IGSF11: variants seen among roughly 807,000 people sequenced by gnomAD.
IGSF11 encodes CXADR like 1.
Under a neutral mutation model 41.0 loss-of-function variants are expected in IGSF11, and 22 were observed. That is an observed-to-expected ratio of 0.54 (90% CI 0.38 to 0.77). The LOEUF is 0.77. Ranked by LOEUF, IGSF11 falls within the 30% of genes least tolerant of loss-of-function variation. The pLI is 0.00. For missense variants in IGSF11, 444 were observed against 530.8 expected (o/e 0.84, Z 1.61); for synonymous variants, 219 against 201.3 (o/e 1.09, Z -0.74).
At chr3:118,948,555 T>C (rs1016478117) in intron 1 of IGSF11, among the ~76,000 whole-genome samples, 8 of 152,094 alleles carry the variant, frequency 5.3e-5, no homozygotes, top group Non-Finnish European at 8.8e-5. Flanking sequence ...TAATAGTCAA[T>C]GAGGAGGATT....
At position 118,925,176 on chromosome 3, in the gene IGSF11, G is replaced by A. The variant is rs954589144; in HGVS notation, c.580+925C>T. On this transcript the variant is annotated intron_variant, in intron 4 of 6. Coordinates refer to ENST00000393775, the MANE Select transcript of IGSF11 (RefSeq NM_001015887.3). ...TCAACATTTGCTGGGATTACTAGCG[G>A]AAATTTATAGGCTCTTAAGAGGCTT... is the stretch of plus-strand genomic sequence containing the variant. Among the ~76,000 whole-genome samples, 3 of 152,152 alleles carry A rather than the reference G, an allele frequency of 2.0e-5. No homozygotes were observed. The South Asian group carries it at 6.2e-4, about 32-fold the overall frequency.
At chr3:118,942,324 G>C (rs1328347683) in intron 1 of IGSF11, among the ~76,000 whole-genome samples, 1 of 152,164 alleles carries the variant, frequency 6.6e-6, no homozygotes, top group Non-Finnish European at 1.5e-5. Context: ...AAACTTTACT[G>C]CAACTACGAA....
intron 1 of IGSF11, among the ~76,000 whole-genome samples, chr3:119,083,444 A>G (rs1466618637): frequency 6.6e-6 from 1 of 151,232 alleles, no homozygotes; most frequent in East Asian, 1.9e-4. Context: ...CTCCTTTCCT[A>G]TCCCTCCTGG....
At chr3:119,094,108 G>A (rs2076808417) in intron 1 of IGSF11, among the ~76,000 whole-genome samples, 1 of 149,746 alleles carries the variant, frequency 6.7e-6, no homozygotes, top group African/African-American at 2.4e-5. Context: ...GATATTAATA[G>A]TTACAGTTGA....
At chr3:119,008,515 AAGGAGGAGGAAGTTTTT>A (rs138250476) in intron 1 of IGSF11, among the ~76,000 whole-genome samples, 4,012 of 152,306 alleles carry the variant, frequency 0.026, 145 homozygotes, top group African/African-American at 0.091. Flanking sequence ...TCAGGGAAAC[AAGGAGGAGGAAGTTTTT>A]AGGAGGAGGA....
chr3:119,000,594 A>G (rs985320290), intron 1 of IGSF11, among the ~76,000 whole-genome samples: 11 of 151,386 alleles, frequency 7.3e-5, no homozygotes, highest in Admixed American at 1.3e-4. Context: ...CCATCCAAAT[A>G]TATTTTGAAT....
chr3:118,912,374 T>A (rs1430096670), intron 4 of IGSF11, among the ~76,000 whole-genome samples: 1 of 152,136 alleles, frequency 6.6e-6, no homozygotes, highest in Non-Finnish European at 1.5e-5. Flanking sequence ...CAGGAAGGAA[T>A]TCCACTCCAT....
chr3:118,917,838 C>T (rs2107506140), intron 4 of IGSF11, among the ~76,000 whole-genome samples: 1 of 149,974 alleles, frequency 6.7e-6, no homozygotes, highest in South Asian at 2.2e-4. Context: ...CCTTGATGAA[C>T]ATTGATGCAA....
At chr3:118,935,002 A>C (rs1251865412) in intron 1 of IGSF11, among the ~76,000 whole-genome samples, 1 of 151,978 alleles carries the variant, frequency 6.6e-6, no homozygotes, top group Non-Finnish European at 1.5e-5. Flanking sequence ...ACAATAGCTC[A>C]AGTGATACCT....
intron 1 of IGSF11, among the ~76,000 whole-genome samples, chr3:119,027,319 G>T (rs1939920238): frequency 6.6e-6 from 1 of 152,164 alleles, no homozygotes; most frequent in South Asian, 2.1e-4. Flanking sequence ...GAATACCAAA[G>T]ATGAATATCC....
At chr3:119,005,865 A>G (rs1937449834) in intron 1 of IGSF11, among the ~76,000 whole-genome samples, 1 of 128,398 alleles carries the variant, frequency 7.8e-6, no homozygotes, top group Non-Finnish European at 1.6e-5. Flanking sequence ...CTTTGAGGGT[A>G]ACCCGACCTT....
intron 1 of IGSF11, among the ~76,000 whole-genome samples, chr3:118,942,472 C>A (rs941448928): frequency 6.6e-6 from 1 of 152,150 alleles, no homozygotes; most frequent in Non-Finnish European, 1.5e-5. Flanking sequence ...TTTCAAGTTT[C>A]TTCTTTCAAG....
chr3:119,115,792 A>G (rs1375404311), intron 1 of IGSF11, among the ~76,000 whole-genome samples: 1 of 152,184 alleles, frequency 6.6e-6, no homozygotes, highest in Non-Finnish European at 1.5e-5. Context: ...CTTAACTAAT[A>G]AATGTACAAT....
chr3:119,078,257 G>A (rs2076533437), intron 1 of IGSF11, among the ~76,000 whole-genome samples: 1 of 152,130 alleles, frequency 6.6e-6, no homozygotes, highest in Non-Finnish European at 1.5e-5. Context: ...ACTACCTGAT[G>A]TCAAGTACTA....
intron 1 of IGSF11, among the ~76,000 whole-genome samples, chr3:119,030,442 A>C (rs1368216592): frequency 6.6e-6 from 1 of 152,176 alleles, no homozygotes; most frequent in East Asian, 1.9e-4. Flanking sequence ...GGCTTACTTC[A>C]TATTTCTGCA....
At chr3:119,020,386 G>C (rs568865236) in intron 1 of IGSF11, among the ~76,000 whole-genome samples, 13 of 152,264 alleles carry the variant, frequency 8.5e-5, no homozygotes, top group African/African-American at 2.6e-4. Flanking sequence ...ATGCACAGCT[G>C]CACAGCATAC....
At chr3:119,021,668 A>G (rs925637721) in intron 1 of IGSF11, among the ~76,000 whole-genome samples, 1 of 152,164 alleles carries the variant, frequency 6.6e-6, no homozygotes, top group Non-Finnish European at 1.5e-5. Flanking sequence ...CTCTCATTGC[A>G]CACAAGACAA....
intron 1 of IGSF11, among the ~76,000 whole-genome samples, chr3:119,089,483 G>A (rs911626102): frequency 7.2e-5 from 11 of 152,116 alleles, no homozygotes; most frequent in South Asian, 2.1e-4. Flanking sequence ...TACTGAATGG[G>A]CAAAAGCTAG....
chr3:119,077,253 C>T (rs1009145148), intron 1 of IGSF11, among the ~76,000 whole-genome samples: 6 of 151,778 alleles, frequency 4.0e-5, no homozygotes, highest in East Asian at 1.9e-4. Context: ...GAACATCACA[C>T]ACCAGGGCCT....
Sources: allele counts gnomAD v4.1 joint callset (sites outside exome capture counted in the v4.1 genomes callset), GRCh38; gene constraint gnomAD v4.1.1; transcripts MANE v1.5; gene names NCBI Gene and HGNC (gene_info 2026-07-23, HGNC 2026-07-21).